The following GAS7 variants were observed in gnomAD, a reference collection of about 807,000 sequenced individuals.
The protein encoded by GAS7 is growth arrest-specific protein 7.
A neutral mutation model predicts 71.1 loss-of-function variants in GAS7; 28 were observed. That is an observed-to-expected ratio of 0.39 (90% CI 0.29 to 0.54). The LOEUF (loss-of-function observed/expected upper bound fraction) is 0.54. Ranked by LOEUF, GAS7 falls within the 20% of genes least tolerant of loss-of-function variation. The pLI, the probability that GAS7 is intolerant of heterozygous loss-of-function variation, is 0.62. For synonymous variants in GAS7, 258 were observed against 245.8 expected, an observed-to-expected ratio of 1.05 and a Z score of -0.46; for missense variants, 436 against 627.8, an observed-to-expected ratio of 0.69 and a Z score of 3.27.
chr17:10,085,691 CAAAAAAAA>C (rs1194345705), intron 1 of GAS7, among the ~76,000 whole-genome samples: 1 of 58,252 alleles, frequency 1.7e-5, no homozygotes, highest in African/African-American at 6.8e-5. Context: ...GATTCCGTCT[CAAAAAAAA>C]AAAAAAAAAA....
At chr17:9,999,810 T>C (rs191316677) in intron 2 of GAS7, among the ~76,000 whole-genome samples, 53 of 152,232 alleles carry the variant, frequency 3.5e-4, no homozygotes, top group African/African-American at 9.6e-4. Context: ...GCATTCAGGA[T>C]AGAGAAGATC....
chr17:10,062,028 C>T (rs904482578), intron 1 of GAS7, among the ~76,000 whole-genome samples: 1 of 152,142 alleles, frequency 6.6e-6, no homozygotes, highest in African/African-American at 2.4e-5. Context: ...AGTAACATGG[C>T]CGAAAACCCT....
At chr17:9,954,727 T>C (rs2069158563) in intron 5 of GAS7, among the ~76,000 whole-genome samples, 1 of 152,030 alleles carries the variant, frequency 6.6e-6, no homozygotes, top group East Asian at 1.9e-4. Flanking sequence ...GGGAAGGTGA[T>C]ACATATCTAC....
At chr17:10,193,785 C>CAAT in intron 1 of GAS7, among the ~76,000 whole-genome samples, 1 of 152,076 alleles carries the variant, frequency 6.6e-6, no homozygotes, top group Non-Finnish European at 1.5e-5. Flanking sequence ...AGACTCTGCC[C>CAAT]CAGCCACCAT....
intron 5 of GAS7, among the ~76,000 whole-genome samples, chr17:9,958,534 C>T (rs923320300): frequency 2.6e-5 from 4 of 152,128 alleles, no homozygotes; most frequent in African/African-American, 7.2e-5. Flanking sequence ...AGCAAACCTG[C>T]GACCACACTT....
intron 1 of GAS7, among the ~76,000 whole-genome samples, chr17:10,099,310 G>C (rs1166303505): frequency 5.3e-5 from 8 of 152,104 alleles, no homozygotes; most frequent in Admixed American, 5.2e-4. Flanking sequence ...CCCCAAAACA[G>C]GTTCCACATG....
intron 1 of GAS7, among the ~76,000 whole-genome samples, chr17:10,118,073 T>C (rs1313908636): frequency 6.6e-6 from 1 of 151,986 alleles, no homozygotes; most frequent in Admixed American, 6.6e-5. Context: ...TCTGCACTTT[T>C]CCCCGAGGGT....
At chr17:10,107,304 C>T (rs1007767499) in intron 1 of GAS7, among the ~76,000 whole-genome samples, 1 of 152,248 alleles carries the variant, frequency 6.6e-6, no homozygotes, top group African/African-American at 2.4e-5. Flanking sequence ...CCTCCATTAA[C>T]CTTTATAGGA....
chr17:10,011,467 T>G (rs958943446), intron 2 of GAS7, among the ~76,000 whole-genome samples: 1 of 152,184 alleles, frequency 6.6e-6, no homozygotes, highest in East Asian at 1.9e-4. Context: ...GGCTCCTCCT[T>G]GCAGCCCTTC....
chr17:10,051,437 C>T (rs1011388086), intron 1 of GAS7, among the ~76,000 whole-genome samples: 6 of 152,194 alleles, frequency 3.9e-5, no homozygotes, highest in African/African-American at 1.4e-4. Flanking sequence ...AATAGGTTCT[C>T]ATCAATGGCT....
chr17:10,014,592 C>T (rs1028779483), intron 2 of GAS7, among the ~76,000 whole-genome samples: 3 of 152,188 alleles, frequency 2.0e-5, no homozygotes, highest in Non-Finnish European at 4.4e-5. Flanking sequence ...GTAACCTTGG[C>T]TTGGAATGCC....
intron 1 of GAS7, among the ~76,000 whole-genome samples, chr17:10,156,189 C>T (rs943089741): frequency 6.6e-6 from 1 of 152,172 alleles, no homozygotes; most frequent in Non-Finnish European, 1.5e-5. Context: ...CCTTCGTAAG[C>T]AGATTTCTCC....
At chr17:10,175,292 T>C (rs991984807) in intron 1 of GAS7, among the ~76,000 whole-genome samples, 2 of 142,412 alleles carry the variant, frequency 1.4e-5, no homozygotes, top group Non-Finnish European at 3.0e-5. Context: ...TGTGGAACTA[T>C]GTAAATAAGT....
At chr17:10,169,543 G>A (rs1238687887) in intron 1 of GAS7, among the ~76,000 whole-genome samples, 1 of 152,176 alleles carries the variant, frequency 6.6e-6, no homozygotes, top group African/African-American at 2.4e-5. Context: ...GAGAGCTGCA[G>A]ATAAGGTCAA....
At chr17:10,183,761 G>A (rs2074433259) in intron 1 of GAS7, among the ~76,000 whole-genome samples, 1 of 152,054 alleles carries the variant, frequency 6.6e-6, no homozygotes, top group Non-Finnish European at 1.5e-5. Context: ...AGAATGGCGT[G>A]AACCCAGGAG....
In GAS7 at chr17:9,974,730, G is replaced by T. The variant is rs924623969; in HGVS notation, c.386-4968C>A. 5.3e-5 allele frequency among the ~76,000 whole-genome samples: 8 copies of T among 152,126 alleles called. No individual in the cohort carries two copies. Among genetic ancestry groups the T allele is most frequent in the African/African-American group, 1.9e-4 (8 of 41,412 alleles). Reference sequence around the variant, plus strand: ...GGACAGATATTTGGGTAGAAAAGAGGAGGGAGGTCTGGGTAGGGAGAAGTC... The same window carrying T: ...GGACAGATATTTGGGTAGAAAAGAGTAGGGAGGTCTGGGTAGGGAGAAGTC... On this transcript the variant is annotated intron_variant, in intron 3 of 13. Coordinates refer to ENST00000432992, the MANE Select transcript of GAS7 (RefSeq NM_201433.2). The surrounding 1 kb of genome is among the most constrained non-coding windows in gnomAD (Gnocchi z 4.0).
chr17:9,982,866 A>C (rs12601699), intron 2 of GAS7, among the ~76,000 whole-genome samples: 2,199 of 144,626 alleles, frequency 0.015, 45 homozygotes, highest in East Asian at 0.11. Flanking sequence ...AGAAAGAAAG[A>C]AAGCAAAGAA....
intron 1 of GAS7, among the ~76,000 whole-genome samples, chr17:10,056,590 G>C (rs145320505): frequency 6.6e-6 from 1 of 151,994 alleles, no homozygotes; most frequent in African/African-American, 2.4e-5. Flanking sequence ...CCGTCAAATG[G>C]GCCGGGCGCA....
intron 9 of GAS7, among the ~76,000 whole-genome samples, chr17:9,931,004 G>A (rs2068189619): frequency 6.6e-6 from 1 of 152,214 alleles, no homozygotes; most frequent in African/African-American, 2.4e-5. Context: ...CTGAGCATGT[G>A]GTTGTCCAGG....
Sources: allele counts gnomAD v4.1 joint callset (sites outside exome capture counted in the v4.1 genomes callset), GRCh38; gene constraint gnomAD v4.1.1; non-coding constraint Gnocchi (gnomAD v3.1); transcripts MANE v1.5; gene names NCBI Gene and HGNC (gene_info 2026-07-23, HGNC 2026-07-21).